WWOX: variants seen among roughly 807,000 people sequenced by gnomAD.
The protein encoded by WWOX is WW domain-containing oxidoreductase.
A neutral mutation model predicts 46.2 loss-of-function variants in WWOX; 69 were observed. The observed-to-expected ratio is 1.49, with a 90% CI of 1.23 to 1.82. WWOX has a LOEUF of 1.82. Among genes scored for constraint, WWOX ranks in the 40% most tolerant of loss-of-function variants. The pLI, the probability that WWOX is intolerant of heterozygous loss-of-function variation, is 0.00. For synonymous variants in WWOX, 359 were observed against 202.6 expected (o/e 1.77, Z -6.56); for missense variants, 919 against 542.6 (o/e 1.69, Z -6.89).
chr16:79,118,865 A>T (rs1053222455), intron 8 of WWOX, among the ~76,000 whole-genome samples: 1 of 152,304 alleles, frequency 6.6e-6, no homozygotes, highest in East Asian at 1.9e-4. Flanking sequence ...TGCAATTCTT[A>T]GTGGTTGTGA....
At chr16:78,518,309 G>A (rs34461109) in intron 8 of WWOX, among the ~76,000 whole-genome samples, 4 of 152,120 alleles carry the variant, frequency 2.6e-5, no homozygotes, top group African/African-American at 7.2e-5. Flanking sequence ...TCAACTCACC[G>A]CAGCCTCCGC....
chr16:78,799,752 G>A (rs906868278), intron 8 of WWOX, among the ~76,000 whole-genome samples: 2 of 152,168 alleles, frequency 1.3e-5, no homozygotes, highest in African/African-American at 4.8e-5. Flanking sequence ...TGGAGAGAGG[G>A]GGAATTGGGC....
intron 8 of WWOX, among the ~76,000 whole-genome samples, chr16:78,584,592 A>G (rs1167929282): frequency 4.6e-5 from 7 of 152,218 alleles, no homozygotes; most frequent in Non-Finnish European, 1.0e-4. Flanking sequence ...AGTGTTAGGC[A>G]TGCTGTTGAG....
At chr16:78,944,684 G>C (rs1017432323) in intron 8 of WWOX, among the ~76,000 whole-genome samples, 1 of 152,114 alleles carries the variant, frequency 6.6e-6, no homozygotes, top group Non-Finnish European at 1.5e-5. Flanking sequence ...TGTGGGGAAT[G>C]CAAGTCACAA....
intron 5 of WWOX, among the ~76,000 whole-genome samples, chr16:78,174,366 C>T (rs372958231): frequency 2.0e-4 from 30 of 152,216 alleles, no homozygotes; most frequent in Non-Finnish European, 3.4e-4. Context: ...TGGGAAAGAC[C>T]GGCCCCCATG....
At chr16:78,693,932 A>G (rs1207951787) in intron 8 of WWOX, among the ~76,000 whole-genome samples, 1 of 152,120 alleles carries the variant, frequency 6.6e-6, no homozygotes, top group Non-Finnish European at 1.5e-5. Context: ...AAAAATCAAG[A>G]TGTAAAAAGG....
At chr16:78,218,434 A>G (rs1289781005) in intron 5 of WWOX, among the ~76,000 whole-genome samples, 1 of 152,066 alleles carries the variant, frequency 6.6e-6, no homozygotes, top group Non-Finnish European at 1.5e-5. Flanking sequence ...AAATGTGTGT[A>G]TGATGTAACT....
chr16:79,089,281 G>T (rs140833027), intron 8 of WWOX, among the ~76,000 whole-genome samples: 1 of 151,494 alleles, frequency 6.6e-6, no homozygotes. Flanking sequence ...TAAAGTTCCT[G>T]GCAAAGGTTT....
At chr16:78,763,090 C>T (rs1217156924) in intron 8 of WWOX, among the ~76,000 whole-genome samples, 1 of 152,180 alleles carries the variant, frequency 6.6e-6, no homozygotes, top group African/African-American at 2.4e-5. Flanking sequence ...TCCTGAGCAC[C>T]TACTCTGTGC....
At chr16:79,091,965 G>T (rs1373175276) in intron 8 of WWOX, among the ~76,000 whole-genome samples, 1 of 151,806 alleles carries the variant, frequency 6.6e-6, no homozygotes, top group South Asian at 2.1e-4. Flanking sequence ...ATTTTTAGTA[G>T]AGACGGAGTT....
chr16:78,864,829 C>T (rs962345284), intron 8 of WWOX, among the ~76,000 whole-genome samples: 1 of 131,434 alleles, frequency 7.6e-6, no homozygotes, highest in Non-Finnish European at 1.5e-5. Context: ...GTGGTGTGAA[C>T]TCGGCTCACT....
intron 8 of WWOX, among the ~76,000 whole-genome samples, chr16:78,658,857 C>T (rs1035425048): frequency 5.9e-5 from 9 of 151,324 alleles, no homozygotes; most frequent in East Asian, 1.9e-4. Flanking sequence ...TTTGGGAGGC[C>T]GAGGCAGGCG....
At chr16:79,124,943 C>T (rs145060752) in intron 8 of WWOX, among the ~76,000 whole-genome samples, 1 of 152,214 alleles carries the variant, frequency 6.6e-6, no homozygotes, top group African/African-American at 2.4e-5. Context: ...AAGAACCAAG[C>T]TCTGAGAGAG....
At chr16:78,888,014 G>C (rs961802293) in intron 8 of WWOX, among the ~76,000 whole-genome samples, 2 of 152,202 alleles carry the variant, frequency 1.3e-5, no homozygotes, top group Non-Finnish European at 2.9e-5. Flanking sequence ...TTGTCAGAGA[G>C]GACAGGTGCA....
At chr16:78,669,327 G>C (rs1047716018) in intron 8 of WWOX, among the ~76,000 whole-genome samples, 11 of 152,228 alleles carry the variant, frequency 7.2e-5, no homozygotes, top group Admixed American at 5.2e-4. Context: ...AAAGTTGCAA[G>C]GGAGTCTGGA....
intron 5 of WWOX, among the ~76,000 whole-genome samples, chr16:78,271,438 G>A (rs2079476240): frequency 6.6e-6 from 1 of 152,158 alleles, no homozygotes; most frequent in South Asian, 2.1e-4. Context: ...TCACCTTGCT[G>A]GGCTGTTTCA....
intron 8 of WWOX, among the ~76,000 whole-genome samples, chr16:78,716,535 C>T (rs2048565803): frequency 6.6e-6 from 1 of 152,034 alleles, no homozygotes; most frequent in African/African-American, 2.4e-5. Flanking sequence ...ACTTTTGGGT[C>T]CCTATGTCAC....
intron 5 of WWOX, among the ~76,000 whole-genome samples, chr16:78,342,138 A>G (rs2081027364): frequency 8.2e-6 from 1 of 121,418 alleles, no homozygotes; most frequent in Admixed American, 8.0e-5. Flanking sequence ...AAGAAGAAAT[A>G]CAAACTATTG....
At chr16:78,763,175 T>C (rs2049836024) in intron 8 of WWOX, among the ~76,000 whole-genome samples, 1 of 152,230 alleles carries the variant, frequency 6.6e-6, no homozygotes, top group South Asian at 2.1e-4. Flanking sequence ...CAGAAAACCA[T>C]TGTTCAAGCA....
Sources: gnomAD v4.1 joint callset for allele counts (sites outside exome capture counted in the v4.1 genomes callset) on GRCh38, gnomAD v4.1.1 for gene constraint, MANE v1.5 for transcripts, NCBI Gene and HGNC (gene_info 2026-07-23, HGNC 2026-07-21) for gene names.